Variants in PRDM16 observed in about 807,000 individuals in gnomAD.
PRDM16 encodes PR/SET domain 16, also known as histone-lysine N-methyltransferase PRDM16.
A neutral mutation model predicts 110.6 loss-of-function variants in PRDM16; 23 were observed. The ratio of observed to expected loss-of-function variants is 0.21; its 90% CI spans 0.15 to 0.29. The LOEUF (loss-of-function observed/expected upper bound fraction) is 0.29. Among genes scored for constraint, PRDM16 ranks in the 10% least tolerant of loss-of-function variants. The pLI is 1.00. For synonymous variants in PRDM16, 799 were observed against 781.8 expected, an observed-to-expected ratio of 1.02 and a Z score of -0.37; for missense variants, 1,615 against 1,794.3, an observed-to-expected ratio of 0.90 and a Z score of 1.81.
rs1474375956 is a variant in PRDM16, at chr1:3,402,842, T to C, written c.728T>C (p.Leu243Pro). Residue 243 changes from leucine to proline, a missense_variant, in exon 6 of 17, where the codon CTG becomes CCG. This residue lies in a region of PRDM16 where 416 missense variants were observed against 467.1 expected (regional missense o/e 0.89). Coordinates refer to ENST00000270722, the MANE Select transcript of PRDM16 (RefSeq NM_022114.4). ...DECDELFQSK[L>P]DLRRHKKYTC... is the part of the protein sequence containing the mutation. ...TGTGACGAACTCTTCCAGTCCAAGC[T>C]GGACCTGCGGCGCCATAAGAAGTAC... 1 of 1,613,052 alleles carries C rather than the reference T, an allele frequency of 6.2e-7. No individual in the cohort carries two copies.
intron 2 of PRDM16, among the ~76,000 whole-genome samples, chr1:3,192,242 C>T (rs1403011692): frequency 6.6e-6 from 1 of 152,200 alleles, no homozygotes. Flanking sequence ...TCCGTGTCGC[C>T]AGCTCATCTG....
chr1:3,335,092 G>C (rs532848837), intron 3 of PRDM16, among the ~76,000 whole-genome samples: 9 of 152,316 alleles, frequency 5.9e-5, no homozygotes, highest in African/African-American at 2.2e-4. Context: ...GTGGCTTCAG[G>C]AGGGTGGGCG....
intron 3 of PRDM16, among the ~76,000 whole-genome samples, chr1:3,251,007 G>A (rs1423651261): frequency 6.6e-6 from 1 of 152,216 alleles, no homozygotes; most frequent in Non-Finnish European, 1.5e-5. Context: ...CATCAGAAAT[G>A]ACTTCTATTG....
intron 1 of PRDM16, among the ~76,000 whole-genome samples, chr1:3,124,712 A>G (rs574837117): frequency 1.3e-5 from 2 of 152,296 alleles, no homozygotes; most frequent in South Asian, 4.1e-4. Flanking sequence ...ATCCCTACTC[A>G]GCCTGGTGAC....
At chr1:3,316,599 G>A (rs895672171) in intron 3 of PRDM16, among the ~76,000 whole-genome samples, 6 of 152,196 alleles carry the variant, frequency 3.9e-5, no homozygotes, top group African/African-American at 9.7e-5. Flanking sequence ...AGGAAACAGC[G>A]ACACAGTGGA....
At chr1:3,375,836 CT>C (rs949470418) in intron 3 of PRDM16, among the ~76,000 whole-genome samples, 1 of 152,182 alleles carries the variant, frequency 6.6e-6, no homozygotes, top group African/African-American at 2.4e-5. Flanking sequence ...TGGGAGGTCG[CT>C]CCCCACCCAA....
At chr1:3,373,203 C>T (rs1001759014) in intron 3 of PRDM16, among the ~76,000 whole-genome samples, 11 of 152,120 alleles carry the variant, frequency 7.2e-5, no homozygotes, top group Non-Finnish European at 1.3e-4. Context: ...GCGAGCTCCA[C>T]GGGACAGTCT....
At chr1:3,241,814 G>A (rs1004661076) in intron 2 of PRDM16, among the ~76,000 whole-genome samples, 3 of 152,204 alleles carry the variant, frequency 2.0e-5, no homozygotes, top group Non-Finnish European at 4.4e-5. Context: ...AACGGTGGGC[G>A]CCCAGCAGAG....
In PRDM16 at chr1:3,181,756, GGTCTTACACA is replaced by G. The variant is rs1243961898; in HGVS notation, c.38-4368_38-4359del. Among the ~76,000 whole-genome samples the G allele has an allele frequency of 3.1e-3, 191 of 62,350 alleles. 1 individual carries two copies. The highest frequency in any genetic ancestry group is 5.1e-3 in the African/African-American group (144 of 28,100). The allele number at this position is 62,350 out of a possible 152,430, so 40.9% of individuals were successfully genotyped here. A position where few individuals can be genotyped will look rare whatever the true frequency, so the allele number is the denominator to read the frequency against. ...GTCTTACACACGGAGTCTTACACAC[GGTCTTACACA>G]CAGTCTTACACATGCAGTCTTACAC... On this transcript the variant is annotated intron_variant, in intron 1 of 16. Coordinates refer to ENST00000270722, the MANE Select transcript of PRDM16 (RefSeq NM_022114.4).
chr1:3,126,771 C>T (rs982708139), intron 1 of PRDM16, among the ~76,000 whole-genome samples: 5 of 152,196 alleles, frequency 3.3e-5, no homozygotes, highest in Non-Finnish European at 5.9e-5. Flanking sequence ...GTGCCCATCG[C>T]CAGTGATGGT....
chr1:3,097,148 A>T (rs1642422220), intron 1 of PRDM16, among the ~76,000 whole-genome samples: 1 of 152,150 alleles, frequency 6.6e-6, no homozygotes, highest in Admixed American at 6.5e-5. Flanking sequence ...AGCCAAGGTC[A>T]TGGGCAAGGT....
At chr1:3,146,768 T>G (rs1432299196) in intron 1 of PRDM16, among the ~76,000 whole-genome samples, 2 of 137,228 alleles carry the variant, frequency 1.5e-5, no homozygotes, top group Admixed American at 7.3e-5. Context: ...GTGTAGGGGG[T>G]GTGTGTGCAC....
At chr1:3,310,616 C>T (rs1641429268) in intron 3 of PRDM16, among the ~76,000 whole-genome samples, 1 of 152,160 alleles carries the variant, frequency 6.6e-6, no homozygotes, top group South Asian at 2.1e-4. Flanking sequence ...AGTCCCTCCA[C>T]CTGCCAAACC....
intron 1 of PRDM16, among the ~76,000 whole-genome samples, chr1:3,163,548 G>A (rs1010951648): frequency 2.0e-5 from 3 of 152,176 alleles, no homozygotes; most frequent in Non-Finnish European, 4.4e-5. Context: ...GGTCCTAACC[G>A]GGTACCCCAG....
At chr1:3,083,987 T>C (rs1224779657) in intron 1 of PRDM16, among the ~76,000 whole-genome samples, 1 of 152,238 alleles carries the variant, frequency 6.6e-6, no homozygotes, top group Admixed American at 6.5e-5. Flanking sequence ...GAGACCCTGT[T>C]CGCGAGAGAA....
At chr1:3,097,170 C>A (rs1039140745) in intron 1 of PRDM16, among the ~76,000 whole-genome samples, 1 of 152,202 alleles carries the variant, frequency 6.6e-6, no homozygotes, top group Non-Finnish European at 1.5e-5. Flanking sequence ...AAGGGCAGAG[C>A]TGAGGAGCCT....
intron 1 of PRDM16, among the ~76,000 whole-genome samples, chr1:3,114,235 G>A (rs1413289264): frequency 7.7e-5 from 9 of 116,218 alleles, no homozygotes; most frequent in Non-Finnish European, 1.2e-4. Flanking sequence ...ACGCACACAC[G>A]CAGTGTAAAC....
chr1:3,244,446 A>G lies in PRDM16; in HGVS notation c.438+309A>G, dbSNP rs527289999. On this transcript the variant is annotated intron_variant, in intron 3 of 16. Transcript: ENST00000270722. The surrounding 1 kb of genome is among the most constrained non-coding windows in gnomAD (Gnocchi z 4.1). Reference sequence around the variant, plus strand: ...TGGGAAAGCTTCAGGCCACGCAGACAGGAAAATTAAATAAACGCAGGTTGT... The same window carrying G: ...TGGGAAAGCTTCAGGCCACGCAGACGGGAAAATTAAATAAACGCAGGTTGT... 6.6e-6 allele frequency among the ~76,000 whole-genome samples: 1 copy of G among 152,156 alleles called. No homozygotes were observed.
chr1:3,341,989 T>C (rs1373441680), intron 3 of PRDM16, among the ~76,000 whole-genome samples: 3 of 152,248 alleles, frequency 2.0e-5, no homozygotes, highest in Non-Finnish European at 2.9e-5. Context: ...GAAAAGCACC[T>C]GTCCTTTTTA....
Sources: allele counts gnomAD v4.1 joint callset (sites outside exome capture counted in the v4.1 genomes callset), GRCh38; gene constraint gnomAD v4.1.1; regional missense constraint gnomAD v4.1.1; non-coding constraint Gnocchi (gnomAD v3.1); transcripts MANE v1.5; gene names NCBI Gene and HGNC (gene_info 2026-07-23, HGNC 2026-07-21).